Variants in ADAM22 observed in about 807,000 individuals in gnomAD.
ADAM22 encodes the protein disintegrin and metalloproteinase domain-containing protein 22.
A neutral mutation model predicts 144.6 loss-of-function variants in ADAM22; 65 were observed. The observed-to-expected ratio is 0.45, with a 90% CI of 0.37 to 0.55. ADAM22 has a LOEUF of 0.55. Among genes scored for constraint, ADAM22 ranks in the 20% least tolerant of loss-of-function variants. The pLI is 0.00. For synonymous variants in ADAM22, 391 were observed against 412.6 expected, an observed-to-expected ratio of 0.95 and a Z score of 0.63; for missense variants, 974 against 1,184.9, an observed-to-expected ratio of 0.82 and a Z score of 2.61.
rs1831021706 is a variant in ADAM22 at position 88,128,623 on chromosome 7, G to A, written c.700G>A (p.Val234Ile). The A allele has an allele frequency of 6.2e-7, 1 of 1,611,896 alleles. No individual in the cohort carries two copies. Among genetic ancestry groups the A allele is most frequent in the Admixed American group, 1.7e-5 (1 of 59,930 alleles). Residue 234 changes from valine to isoleucine, a missense_variant, in exon 9 of 32, where the codon GTA (valine) becomes ATA (isoleucine). Physicochemically the swap from Val to Ile is conservative, Grantham distance 29 (BLOSUM62 3). Coordinates refer to ENST00000413139, the MANE Select transcript of ADAM22 (RefSeq NM_001324418.2). ...ACAGCTTCGTCGATATCCTCGTAAT[G>A]TAGAAGAAGAAACCAAATACATTGA... ...KRQLRRYPRN[V>I]EEETKYIELM...
intron 2 of ADAM22, among the ~76,000 whole-genome samples, chr7:87,962,947 A>G (rs916649913): frequency 6.6e-6 from 1 of 152,224 alleles, no homozygotes; most frequent in African/African-American, 2.4e-5. Flanking sequence ...CCACTATCCT[A>G]TGCAACTTTT....
intron 3 of ADAM22, among the ~76,000 whole-genome samples, chr7:87,981,915 T>A (rs1021119358): frequency 1.3e-5 from 2 of 152,058 alleles, no homozygotes; most frequent in Non-Finnish European, 2.9e-5. Flanking sequence ...AATAAATCTG[T>A]AACTGAATGC....
intron 2 of ADAM22, among the ~76,000 whole-genome samples, chr7:87,974,530 C>T (rs914568816): frequency 2.6e-5 from 4 of 152,140 alleles, no homozygotes; most frequent in African/African-American, 9.7e-5. Context: ...TCATGAGTTT[C>T]AGCCCTGCTG....
At chr7:88,096,579 A>G (rs1426403697) in intron 4 of ADAM22, among the ~76,000 whole-genome samples, 2 of 151,180 alleles carry the variant, frequency 1.3e-5, no homozygotes, top group Non-Finnish European at 2.9e-5. Flanking sequence ...ATAATATAAT[A>G]TTTTAAAAAA....
chr7:88,023,887 C>A (rs112400164), intron 3 of ADAM22, among the ~76,000 whole-genome samples: 1 of 151,772 alleles, frequency 6.6e-6, no homozygotes, highest in Non-Finnish European at 1.5e-5. Context: ...CTCTCTATCT[C>A]TATGAGTTAA....
At chr7:88,189,947 A>T (rs1206894992) in intron 30 of ADAM22, among the ~76,000 whole-genome samples, 1 of 152,118 alleles carries the variant, frequency 6.6e-6, no homozygotes, top group Non-Finnish European at 1.5e-5. Context: ...TGTCTCAAAA[A>T]AATAAATAAA....
At chr7:88,016,038 T>C (rs558748333) in intron 3 of ADAM22, among the ~76,000 whole-genome samples, 45 of 152,262 alleles carry the variant, frequency 3.0e-4, no homozygotes, top group South Asian at 2.1e-4. Context: ...TCTCAAGGTA[T>C]ATTTTCTGAT....
chr7:88,121,664 C>T (rs1829336531), intron 7 of ADAM22, among the ~76,000 whole-genome samples: 1 of 152,006 alleles, frequency 6.6e-6, no homozygotes, highest in African/African-American at 2.4e-5. Context: ...AGGGCTGCCC[C>T]CCACCAACCT....
chr7:88,119,509 G>A (rs1277276350), intron 7 of ADAM22, among the ~76,000 whole-genome samples: 3 of 152,162 alleles, frequency 2.0e-5, no homozygotes, highest in African/African-American at 7.2e-5. Flanking sequence ...AGGGGTGGGG[G>A]ATGGGGTCTT....
In ADAM22 at chr7:88,005,136, A is replaced by C. The variant is rs142215573; in HGVS notation, c.323+26724A>C. Reference sequence around the variant, plus strand: ...ATAGGGAGACCCTATCTCCAAACAAAACACACACACACAAACAAATAATTG... The same window carrying C: ...ATAGGGAGACCCTATCTCCAAACAACACACACACACACAAACAAATAATTG... On this transcript the variant is annotated intron_variant, in intron 3 of 31. Coordinates refer to ENST00000413139, the MANE Select transcript of ADAM22 (RefSeq NM_001324418.2). Among the ~76,000 whole-genome samples, 346 of 152,210 alleles carry C rather than the reference A, an allele frequency of 2.3e-3. 2 individuals are homozygous for C. Among genetic ancestry groups the C allele is most frequent in the African/African-American group, 7.8e-3 (323 of 41,540 alleles).
chr7:88,080,243 A>T (rs1480135448), intron 4 of ADAM22, among the ~76,000 whole-genome samples: 3 of 152,204 alleles, frequency 2.0e-5, no homozygotes, highest in Non-Finnish European at 2.9e-5. Context: ...CTCCTGAATG[A>T]CTACTGGGTA....
chr7:88,032,980 A>G (rs1800658233), intron 3 of ADAM22, among the ~76,000 whole-genome samples: 1 of 152,226 alleles, frequency 6.6e-6, no homozygotes, highest in Non-Finnish European at 1.5e-5. Flanking sequence ...GAGCCGATCC[A>G]ACCTCTTTTC....
intron 6 of ADAM22, 149 bp from the exon 7 acceptor site, chr7:88,116,596 A>C: frequency 1.6e-6 from 1 of 606,964 alleles, no homozygotes; most frequent in South Asian, 2.1e-5. Flanking sequence ...AGAGAATAGG[A>C]GGGGTTGGGC....
At chr7:88,162,805 A>C (rs999337451) in intron 22 of ADAM22, among the ~76,000 whole-genome samples, 1 of 152,118 alleles carries the variant, frequency 6.6e-6, no homozygotes, top group South Asian at 2.1e-4. Flanking sequence ...TTACATTCAA[A>C]TCCTAAACTT....
In ADAM22 at chr7:88,069,716, G is replaced by T. The variant is rs115945819; in HGVS notation, c.324-5910G>T. Among the ~76,000 whole-genome samples, 445 of 152,270 alleles carry T rather than the reference G, an allele frequency of 2.9e-3. 2 individuals carry two copies. Among genetic ancestry groups the T allele is most frequent in the African/African-American group, 0.01 (430 of 41,544 alleles). On this transcript the variant is annotated intron_variant, in intron 3 of 31. Transcript: ENST00000413139. ...ATTAGGTCCAGGTGTAGATAAGGCT[G>T]CTTAGATGAGGTAGCCCAGGTGTAG...
At chr7:87,973,780 C>T (rs1192434301) in intron 2 of ADAM22, among the ~76,000 whole-genome samples, 1 of 152,086 alleles carries the variant, frequency 6.6e-6, no homozygotes, top group Non-Finnish European at 1.5e-5. Flanking sequence ...GAGCTCATGT[C>T]CTTTGTAGGG....
chr7:87,945,842 T>C (rs1843577872), intron 2 of ADAM22, among the ~76,000 whole-genome samples: 1 of 152,182 alleles, frequency 6.6e-6, no homozygotes, highest in Non-Finnish European at 1.5e-5. Context: ...AAGAACTTTA[T>C]TGACTTTGGT....
In ADAM22 at chr7:88,201,625, TG is replaced by T. The variant is rs1168363832; in HGVS notation, c.*5135del. On this transcript the variant is annotated 3_prime_UTR_variant, in exon 32 of 32. Transcript: ENST00000413139. ...TCACTCCTGCCTGATGCATCCCTGT[TG>T]CACTGTTCATAAAACCTGTATCATA... 1.3e-5 allele frequency: 2 copies of T among 152,194 alleles called. No individual in the cohort carries two copies. Among genetic ancestry groups the T allele is most frequent in the Non-Finnish European group, 2.9e-5 (2 of 68,052 alleles). 9.4% of individuals were successfully genotyped at this position (152,194 alleles called of 1,614,324 possible).
rs146521094 is a variant in ADAM22 at position 87,956,024 on chromosome 7, G to A, written c.246+20838G>A. Among the ~76,000 whole-genome samples, 829 of 152,268 alleles carry A rather than the reference G, an allele frequency of 5.4e-3. 3 individuals carry two copies. The highest frequency in any genetic ancestry group is 0.019 in the African/African-American group (796 of 41,550). ...GGAGTGGCCCGATTTTCTACGTGCC[G>A]TCTGTCACCCCTTTCCTTGACCAGG... is the stretch of plus-strand genomic sequence containing the variant. On this transcript the variant is annotated intron_variant, in intron 2 of 31. Transcript: ENST00000413139.
Sources: gnomAD v4.1 joint callset for allele counts (sites outside exome capture counted in the v4.1 genomes callset) on GRCh38, gnomAD v4.1.1 for gene constraint, MANE v1.5 for transcripts, NCBI Gene and HGNC (gene_info 2026-07-23, HGNC 2026-07-21) for gene names.